Variants in ST13 observed in about 807,000 individuals in gnomAD.
The protein encoded by ST13 is ST13 Hsp70 interacting protein, also known as hsc70-interacting protein.
A neutral mutation model predicts 56.7 loss-of-function variants in ST13; 23 were observed. That is an observed-to-expected ratio of 0.41 (90% CI 0.29 to 0.57). ST13 has a LOEUF of 0.57. Ranked by LOEUF, ST13 falls within the 20% of genes least tolerant of loss-of-function variation. ST13 has a pLI of 0.36. For missense variants in ST13, 369 were observed against 459.9 expected (o/e 0.80, Z 1.81); for synonymous variants, 132 against 142.4 (o/e 0.93, Z 0.52).
At position 40,827,102 on chromosome 22, in the gene ST13, G is replaced by A; in HGVS notation, c.975C>T (p.Ala325=). 6.2e-7 allele frequency: 1 copy of A among 1,611,536 alleles called. No homozygotes were observed. The highest frequency in any genetic ancestry group is 1.1e-5 in the South Asian group (1 of 90,924). Reference sequence around the variant, plus strand: ...TTTTTCTTCCAAGTCTTACCTGCATGGCTGCAAGAACCTCTGGATCACTAA... The same window carrying A: ...TTTTTCTTCCAAGTCTTACCTGCATAGCTGCAAGAACCTCTGGATCACTAA... ...EILSDPEVLA[A]MQDPEVMVAF... Residue 325 remains alanine, a synonymous_variant, in exon 11 of 12, where the codon GCC becomes GCT. Transcript: ENST00000216218.
At chr22:40,828,003 AG>A (rs2057736696) in intron 10 of ST13, among the ~76,000 whole-genome samples, 1 of 152,204 alleles carries the variant, frequency 6.6e-6, no homozygotes, top group African/African-American at 2.4e-5. Context: ...AGTTTAGTTT[AG>A]GTTTTTGTTT....
intron 3 of ST13, among the ~76,000 whole-genome samples, chr22:40,846,002 T>A (rs2057829356): frequency 1.3e-5 from 2 of 152,158 alleles, no homozygotes; most frequent in South Asian, 4.1e-4. Flanking sequence ...AGTGGCGCAA[T>A]CTTGGCTCAC....
chr22:40,833,292 G>C (rs1396771877), intron 7 of ST13, among the ~76,000 whole-genome samples: 2 of 151,936 alleles, frequency 1.3e-5, no homozygotes, highest in Admixed American at 1.3e-4. Flanking sequence ...CTGTGTGGCT[G>C]GGCGCGGTGG....
At chr22:40,827,556 C>T (rs1278872771) in intron 10 of ST13, among the ~76,000 whole-genome samples, 1 of 152,206 alleles carries the variant, frequency 6.6e-6, no homozygotes, top group African/African-American at 2.4e-5. Flanking sequence ...TGGCTGACTG[C>T]CACCTCTGCC....
In ST13 at chr22:40,826,518, CTTTA is replaced by C. The variant is rs769083328; in HGVS notation, c.*16_*19del. 49 of 1,596,550 alleles carry C rather than the reference CTTTA, an allele frequency of 3.1e-5. No individual in the cohort carries two copies. The highest frequency in any genetic ancestry group is 4.0e-5 in the African/African-American group (3 of 74,740). On this transcript the variant is annotated 3_prime_UTR_variant, in exon 12 of 12. Transcript: ENST00000216218. ...TAGGTTGCTTTTCCTTCAGCAAGGGCTTTATTTATCAGAAGGACATTACGCTTGA... is the reference window on the plus strand; with the variant it reads ...TAGGTTGCTTTTCCTTCAGCAAGGGCTTTATCAGAAGGACATTACGCTTGA...
At chr22:40,850,741 T>C (rs1428266929) in intron 2 of ST13, 82 bp downstream of exon 2, 2 of 1,006,946 alleles carry the variant, frequency 2.0e-6, no homozygotes, top group Non-Finnish European at 3.0e-6. Context: ...GAGTGATAAC[T>C]GGAGAGCAGC....
At chr22:40,852,943 C>T (rs895469162) in intron 1 of ST13, among the ~76,000 whole-genome samples, 10 of 152,170 alleles carry the variant, frequency 6.6e-5, no homozygotes, top group Non-Finnish European at 1.5e-4. Context: ...GTATAACTTA[C>T]AGTACACTAA....
chr22:40,852,438 T>C (rs1031425537), intron 1 of ST13, among the ~76,000 whole-genome samples: 15 of 152,240 alleles, frequency 9.9e-5, no homozygotes, highest in Non-Finnish European at 1.8e-4. Flanking sequence ...GTCAGCTTTA[T>C]GTGTTGCAAA....
intron 11 of ST13, 121 bp downstream of exon 11, chr22:40,826,975 T>C (rs1789814126): frequency 8.7e-7 from 1 of 1,148,946 alleles, no homozygotes; most frequent in Non-Finnish European, 1.2e-6. Flanking sequence ...CTTGCATAAT[T>C]AGCTATTTGG....
At chr22:40,842,129 A>G (rs1368668560) in intron 4 of ST13, among the ~76,000 whole-genome samples, 2 of 152,208 alleles carry the variant, frequency 1.3e-5, no homozygotes, top group African/African-American at 2.4e-5. Flanking sequence ...GGAATTCTGT[A>G]TTACCAAAGT....
intron 1 of ST13, among the ~76,000 whole-genome samples, chr22:40,852,241 C>A (rs1286163027): frequency 6.6e-6 from 1 of 152,180 alleles, no homozygotes; most frequent in Non-Finnish European, 1.5e-5. Context: ...AGCTATTGTC[C>A]ATCTTAAAGA....
At chr22:40,843,068 T>A (rs527919469) in intron 4 of ST13, among the ~76,000 whole-genome samples, 1 of 152,298 alleles carries the variant, frequency 6.6e-6, no homozygotes, top group Admixed American at 6.5e-5. Context: ...CGCAGTGAGC[T>A]ATGATTGTAC....
chr22:40,830,796 AT>A (rs2057750407), intron 9 of ST13, 43 bp downstream of exon 9: 1 of 1,301,714 alleles, frequency 7.7e-7, no homozygotes, highest in African/African-American at 1.5e-5. Context: ...CCTCTACATA[AT>A]TTGCCGTATT....
chr22:40,844,133 T>G (rs1223173328), intron 4 of ST13, among the ~76,000 whole-genome samples: 1 of 152,058 alleles, frequency 6.6e-6, no homozygotes, highest in Non-Finnish European at 1.5e-5. Context: ...TCCACCCACC[T>G]CGGCCTCCCA....
At position 40,848,322 on chromosome 22, in the gene ST13, G is replaced by T. The variant is rs745881950; in HGVS notation, c.216C>A (p.Asp72Glu). Residue 72 changes from aspartate to glutamate, a missense_variant, in exon 3 of 12, where the codon GAC (aspartate) becomes GAA (glutamate). This residue lies in a region of ST13 where 169 missense variants were observed against 175.6 expected (regional missense o/e 0.96). Transcript: ENST00000216218. ...SKKVEEDLKA[D>E]EPSSEESDLE... ...GATCACTTTCCTCACTTGATGGTTC[G>T]TCTGCCTTTAAGTCTTCCTCCACCT... 2 of 1,613,342 alleles carry T rather than the reference G, an allele frequency of 1.2e-6. No individual in the cohort carries two copies. The highest frequency in any genetic ancestry group is 1.7e-6 in the Non-Finnish European group (2 of 1,179,608).
chr22:40,848,407 A>G, intron 2 of ST13, 38 bp from the exon 3 acceptor site: 3 of 1,282,322 alleles, frequency 2.3e-6, no homozygotes, highest in Non-Finnish European at 3.4e-6. Flanking sequence ...TCAGTATTTA[A>G]TAACATACCG....
chr22:40,851,478 T>C (rs1182753237), intron 1 of ST13, among the ~76,000 whole-genome samples: 1 of 152,120 alleles, frequency 6.6e-6, no homozygotes, highest in African/African-American at 2.4e-5. Context: ...CTTTCCCAAA[T>C]AGTTCAGGGC....
intron 1 of ST13, 126 bp from the exon 2 acceptor site, chr22:40,851,006 C>CT: frequency 1.5e-6 from 1 of 651,226 alleles, no homozygotes; most frequent in Non-Finnish European, 2.6e-6. Flanking sequence ...TAAAAGTAAA[C>CT]TCTCAATTAA....
intron 5 of ST13, among the ~76,000 whole-genome samples, chr22:40,836,195 A>C (rs1188604310): frequency 6.6e-6 from 1 of 152,242 alleles, no homozygotes; most frequent in Admixed American, 6.5e-5. Context: ...TCACGCCTGT[A>C]ATCCCAGCAC....
Sources: gnomAD v4.1 joint callset for allele counts (sites outside exome capture counted in the v4.1 genomes callset) on GRCh38, gnomAD v4.1.1 for gene constraint, gnomAD v4.1.1 regional missense constraint, MANE v1.5 for transcripts, NCBI Gene and HGNC (gene_info 2026-07-23, HGNC 2026-07-21) for gene names.